The following KMT2E variants were observed in gnomAD, a reference collection of about 807,000 sequenced individuals.
The protein encoded by KMT2E is histone reader KMT2E.
A neutral mutation model predicts 184.6 loss-of-function variants in KMT2E; 30 were observed. The ratio of observed to expected loss-of-function variants is 0.16; its 90% CI spans 0.12 to 0.22. The LOEUF (loss-of-function observed/expected upper bound fraction) is 0.22, where lower values mean the gene tolerates loss of function less well. Ranked by LOEUF, KMT2E falls within the 10% of genes least tolerant of loss-of-function variation. The probability of loss-of-function intolerance (pLI) is 1.00; values close to 1 mark genes in which losing one functional copy is unlikely to be tolerated. For missense variants in KMT2E, 2,023 were observed against 2,237.4 expected, an observed-to-expected ratio of 0.90 and a Z score of 1.93; for synonymous variants, 815 against 776.5, an observed-to-expected ratio of 1.05 and a Z score of -0.82.
intron 13 of KMT2E, among the ~76,000 whole-genome samples, chr7:105,085,725 C>T (rs1385946165): frequency 6.6e-6 from 1 of 151,072 alleles, no homozygotes; most frequent in Non-Finnish European, 1.5e-5. Context: ...GCTCTGTCGC[C>T]TAGGATGGAG....
chr7:105,050,987 A>G (rs1009748124), intron 3 of KMT2E, among the ~76,000 whole-genome samples: 2 of 151,782 alleles, frequency 1.3e-5, no homozygotes, highest in African/African-American at 4.8e-5. Context: ...TCGGCCTCCC[A>G]AAGTGCTGGA....
At chr7:105,081,193 AAC>A (rs1797751685) in intron 12 of KMT2E, among the ~76,000 whole-genome samples, 2 of 152,030 alleles carry the variant, frequency 1.3e-5, no homozygotes, top group Admixed American at 1.3e-4. Context: ...CATCCTGGCT[AAC>A]ACTGTGAAAA....
At chr7:105,049,886 C>G (rs113408198) in intron 3 of KMT2E, among the ~76,000 whole-genome samples, 3 of 151,966 alleles carry the variant, frequency 2.0e-5, no homozygotes, top group African/African-American at 7.2e-5. Flanking sequence ...AGCAAAACTC[C>G]GTCTCAAAAA....
intron 1 of KMT2E, among the ~76,000 whole-genome samples, chr7:105,023,053 A>C (rs565943905): frequency 6.6e-6 from 1 of 152,326 alleles, no homozygotes; most frequent in South Asian, 2.1e-4. Flanking sequence ...CACACACACA[A>C]AAGATGTGCT....
intron 3 of KMT2E, among the ~76,000 whole-genome samples, chr7:105,054,506 A>G (rs796594682): frequency 7.2e-4 from 84 of 117,256 alleles, no homozygotes; most frequent in African/African-American, 8.2e-4. Flanking sequence ...CTATCTATCT[A>G]TCTATCTATC....
intron 3 of KMT2E, among the ~76,000 whole-genome samples, chr7:105,054,461 T>C (rs1796484132): frequency 7.4e-5 from 1 of 13,548 alleles, no homozygotes. Context: ...TCTGTCTGTC[T>C]ATCTATCTAT....
chr7:105,054,170 C>CA (rs1292723588), intron 3 of KMT2E, among the ~76,000 whole-genome samples: 4 of 139,130 alleles, frequency 2.9e-5, no homozygotes, highest in African/African-American at 5.3e-5. Flanking sequence ...GACTCTGTCT[C>CA]AAAAAAAAAG....
At chr7:105,101,714 C>T in intron 16 of KMT2E, 125 bp downstream of exon 16, 1 of 962,022 alleles carries the variant, frequency 1.0e-6, no homozygotes, top group Non-Finnish European at 1.5e-6. Flanking sequence ...TTTTTCAGAT[C>T]CTATGGGAGT....
chr7:105,037,907 T>G (rs1216028210), intron 1 of KMT2E, among the ~76,000 whole-genome samples: 1 of 152,186 alleles, frequency 6.6e-6, no homozygotes, highest in Non-Finnish European at 1.5e-5. Flanking sequence ...TGTATCCCAG[T>G]GTTTCTTTTT....
chr7:105,035,699 A>G (rs1321103392), intron 1 of KMT2E, among the ~76,000 whole-genome samples: 1 of 152,000 alleles, frequency 6.6e-6, no homozygotes, highest in African/African-American at 2.4e-5. Flanking sequence ...AGCCAGGACT[A>G]CAGGCATGTG....
At chr7:105,109,893 G>T (rs1235020712) in intron 23 of KMT2E, among the ~76,000 whole-genome samples, 1 of 149,888 alleles carries the variant, frequency 6.7e-6, no homozygotes, top group Admixed American at 6.6e-5. Flanking sequence ...GCCCAGTCTG[G>T]AGTGCAGTGG....
chr7:105,025,110 GTAAAAGTAACA>G (rs1795120414), intron 1 of KMT2E, among the ~76,000 whole-genome samples: 1 of 152,100 alleles, frequency 6.6e-6, no homozygotes, highest in African/African-American at 2.4e-5. Context: ...TTCTTAAGAT[GTAAAAGTAACA>G]TATGTTTATT....
intron 3 of KMT2E, among the ~76,000 whole-genome samples, chr7:105,049,001 G>C (rs115186290): frequency 0.015 from 2,261 of 152,264 alleles, 55 homozygotes; most frequent in African/African-American, 0.051. Flanking sequence ...GGAACAGCAA[G>C]TACACAAGCT....
chr7:105,091,184 G>A (rs1469092787), intron 14 of KMT2E, 32 bp from the exon 15 acceptor site: 1 of 996,494 alleles, frequency 1.0e-6, no homozygotes, highest in Non-Finnish European at 1.6e-6. Flanking sequence ...TGGAATAATA[G>A]TTTGTATAAA....
chr7:105,024,725 T>A (rs1795102590), intron 1 of KMT2E, among the ~76,000 whole-genome samples: 2 of 152,218 alleles, frequency 1.3e-5, no homozygotes, highest in East Asian at 3.8e-4. Flanking sequence ...TAGTGGTTAA[T>A]CAAGGTTTAA....
intron 3 of KMT2E, among the ~76,000 whole-genome samples, chr7:105,054,463 TC>T (rs1562894742): frequency 1.4e-4 from 2 of 14,038 alleles, no homozygotes; most frequent in Non-Finnish European, 1.0e-3. Flanking sequence ...TGTCTGTCTA[TC>T]TATCTATCTA....
At chr7:105,078,790 G>A in intron 11 of KMT2E, 56 bp from the exon 12 acceptor site, 1 of 899,682 alleles carries the variant, frequency 1.1e-6, no homozygotes, top group Non-Finnish European at 1.7e-6. Context: ...TTACAGGTGT[G>A]AACCAGCATG....
chr7:105,040,887 G>T lies in KMT2E; in HGVS notation c.-66G>T, dbSNP rs950345231. 44 of 1,161,810 alleles carry T rather than the reference G, an allele frequency of 3.8e-5. No individual in the cohort carries two copies. The highest frequency in any genetic ancestry group is 5.1e-5 in the Non-Finnish European group (40 of 783,498). The allele number at this position is 1,161,810 out of a possible 1,614,324, so 72.0% of individuals were successfully genotyped here. Reference sequence around the variant, plus strand: ...TTGCAATGAGCACTGTGGCTGGCATGCCCCAGTGTTTTGGATACCAATGCA... The same window carrying T: ...TTGCAATGAGCACTGTGGCTGGCATTCCCCAGTGTTTTGGATACCAATGCA... On this transcript the variant is annotated 5_prime_UTR_variant, in exon 3 of 27. An upstream start codon of the reference 5' UTR is lost. Coordinates refer to ENST00000311117, the MANE Select transcript of KMT2E (RefSeq NM_182931.3).
intron 1 of KMT2E, among the ~76,000 whole-genome samples, chr7:105,025,664 C>A (rs1795147464): frequency 6.6e-6 from 1 of 152,124 alleles, no homozygotes; most frequent in Non-Finnish European, 1.5e-5. Flanking sequence ...GGTTTCTTCC[C>A]AAATTGGCTA....
Sources: allele counts gnomAD v4.1 joint callset (sites outside exome capture counted in the v4.1 genomes callset), GRCh38; gene constraint gnomAD v4.1.1; transcripts MANE v1.5; gene names NCBI Gene and HGNC (gene_info 2026-07-23, HGNC 2026-07-21).